MTSS1: variants seen among roughly 807,000 people sequenced by gnomAD.
MTSS1 encodes MTSS I-BAR domain containing 1.
MTSS1 carries 18 observed loss-of-function variants against 79.0 expected under a neutral mutation model. That is an observed-to-expected ratio of 0.23 (90% CI 0.16 to 0.34). The LOEUF is 0.34. MTSS1 is among the 10% of genes least tolerant of loss of function. The pLI, the probability that MTSS1 is intolerant of heterozygous loss-of-function variation, is 1.00. For missense variants in MTSS1, 815 were observed against 986.2 expected (o/e 0.83, Z 2.33); for synonymous variants, 341 against 368.6 (o/e 0.93, Z 0.86).
chr8:124,675,854 A>G (rs886191651), intron 3 of MTSS1, among the ~76,000 whole-genome samples: 24 of 152,248 alleles, frequency 1.6e-4, no homozygotes, highest in African/African-American at 5.1e-4. Context: ...ATATTCCATT[A>G]TGTACATACC....
At chr8:124,695,824 T>A (rs1393070835) in intron 3 of MTSS1, among the ~76,000 whole-genome samples, 1 of 150,548 alleles carries the variant, frequency 6.6e-6, no homozygotes, top group Non-Finnish European at 1.5e-5. Flanking sequence ...ACAGGTATAT[T>A]TTATTCCATG....
chr8:124,668,616 G>A (rs760030681), intron 3 of MTSS1, among the ~76,000 whole-genome samples: 5 of 152,120 alleles, frequency 3.3e-5, no homozygotes, highest in Non-Finnish European at 5.9e-5. Flanking sequence ...TGCCAGACTC[G>A]GCTATTAGGA....
At chr8:124,648,822 G>A (rs1251722665) in intron 3 of MTSS1, among the ~76,000 whole-genome samples, 2 of 152,048 alleles carry the variant, frequency 1.3e-5, no homozygotes, top group South Asian at 2.1e-4. Flanking sequence ...CCATCAGTAC[G>A]CCATGATGAA....
intron 6 of MTSS1, among the ~76,000 whole-genome samples, chr8:124,581,514 G>A (rs1323734834): frequency 1.3e-5 from 2 of 150,838 alleles, no homozygotes; most frequent in Non-Finnish European, 2.9e-5. Context: ...GGAGTGCAGT[G>A]GTGCAATCTT....
At chr8:124,718,506 C>T (rs1011587863) in intron 1 of MTSS1, among the ~76,000 whole-genome samples, 2 of 152,094 alleles carry the variant, frequency 1.3e-5, no homozygotes, top group Non-Finnish European at 2.9e-5. Flanking sequence ...TTCAGGCCCT[C>T]GATCACATCC....
chr8:124,666,616 G>A (rs564954454), intron 3 of MTSS1, among the ~76,000 whole-genome samples: 1 of 152,290 alleles, frequency 6.6e-6, no homozygotes, highest in South Asian at 2.1e-4. Context: ...TACCTTTCTA[G>A]GGAGGCAGTC....
chr8:124,659,787 T>C (rs1187392094), intron 3 of MTSS1, among the ~76,000 whole-genome samples: 1 of 152,190 alleles, frequency 6.6e-6, no homozygotes, highest in Non-Finnish European at 1.5e-5. Context: ...CTGGGTAACA[T>C]GAAGATAGCA....
chr8:124,670,216 G>C (rs922564478), intron 3 of MTSS1, among the ~76,000 whole-genome samples: 2 of 152,158 alleles, frequency 1.3e-5, no homozygotes, highest in Admixed American at 1.3e-4. Context: ...GCCCTCCTGA[G>C]GTTATATTTG....
At chr8:124,595,417 G>A (rs998614311) in intron 3 of MTSS1, among the ~76,000 whole-genome samples, 2 of 152,178 alleles carry the variant, frequency 1.3e-5, no homozygotes, top group Non-Finnish European at 2.9e-5. Context: ...GGAGGCTGCA[G>A]GGGAGAATCT....
At chr8:124,700,079 C>T (rs551107758) in intron 2 of MTSS1, among the ~76,000 whole-genome samples, 5 of 151,494 alleles carry the variant, frequency 3.3e-5, no homozygotes, top group Admixed American at 6.6e-5. Context: ...GCAGAGGTTG[C>T]GGTGAGCCAA....
intron 3 of MTSS1, among the ~76,000 whole-genome samples, chr8:124,661,444 A>C (rs1822011737): frequency 6.6e-6 from 1 of 152,152 alleles, no homozygotes; most frequent in Admixed American, 6.5e-5. Flanking sequence ...TGAAAACATG[A>C]TCAAAGCACT....
At chr8:124,695,317 C>T (rs142769794) in intron 3 of MTSS1, among the ~76,000 whole-genome samples, 497 of 148,308 alleles carry the variant, frequency 3.4e-3, no homozygotes, top group Non-Finnish European at 6.0e-3. Flanking sequence ...TCCCTCCTAC[C>T]ACTTCCATCA....
chr8:124,574,105 C>T (rs4486186), intron 6 of MTSS1, among the ~76,000 whole-genome samples: 40,051 of 151,654 alleles, frequency 0.26, 5,755 homozygotes, highest in African/African-American at 0.36. Flanking sequence ...ACAGTATGTC[C>T]GACTAATTTT....
At chr8:124,672,571 C>T (rs1824442050) in intron 3 of MTSS1, among the ~76,000 whole-genome samples, 1 of 151,788 alleles carries the variant, frequency 6.6e-6, no homozygotes, top group Non-Finnish European at 1.5e-5. Context: ...TCTGAGAGGC[C>T]AAGGTGGGAG....
At chr8:124,566,706 CA>C (rs1446801398) in intron 8 of MTSS1, among the ~76,000 whole-genome samples, 2 of 152,284 alleles carry the variant, frequency 1.3e-5, no homozygotes, top group African/African-American at 4.8e-5. Flanking sequence ...ATGAACACAG[CA>C]ATTAAGTGCA....
Position 124,553,178 on chromosome 8 carries a change from T to C in MTSS1, c.2082A>G (p.Glu694=), listed in dbSNP as rs1263035051. The C allele has an allele frequency of 6.2e-7, 1 of 1,614,026 alleles. No homozygotes were observed. Among genetic ancestry groups the C allele is most frequent in the Non-Finnish European group, 8.5e-7 (1 of 1,180,036 alleles). ...GGGGTTCCCGTTCCTGGTCTTCAGCTTCACTTTCTGGAATTGCCTGTCTGT... is the reference window on the plus strand; with the variant it reads ...GGGGTTCCCGTTCCTGGTCTTCAGCCTCACTTTCTGGAATTGCCTGTCTGT... The part of the protein sequence containing the change: ...EEHRQAIPES[E]AEDQEREPPS... Residue 694 remains glutamate, a synonymous_variant, in exon 14 of 14, where the codon GAA becomes GAG. Transcript: ENST00000518547. This position sits in a 1 kb window ranked among gnomAD's most constrained non-coding sequence, Gnocchi z 6.0.
chr8:124,652,327 C>A (rs1820115100), intron 3 of MTSS1, among the ~76,000 whole-genome samples: 1 of 152,062 alleles, frequency 6.6e-6, no homozygotes, highest in African/African-American at 2.4e-5. Flanking sequence ...GTGCATGCCA[C>A]CATGCCTGGC....
rs1586763572 is a variant in MTSS1 at position 124,556,285 on chromosome 8, C to T, written c.1351G>A (p.Ala451Thr). The T allele has an allele frequency of 6.2e-7, 1 of 1,614,252 alleles. No individual in the cohort carries two copies. The highest frequency in any genetic ancestry group is 2.2e-5 in the East Asian group (1 of 44,886). The stretch of plus-strand genomic sequence containing the variant: ...CGTGGTCTCTGAGCCTCCTCAGCTG[C>T]TGCAGGTGGGCCGCTGGCGGTAGTG... ...GPTTASGPPA[A>T]AEEAQRPRSM... The change falls in exon 12 of 14, where the codon GCA (alanine) becomes ACA (threonine). Residue 451 changes from alanine (A) to threonine (T), a missense_variant. Transcript: ENST00000518547.
At position 124,676,478 on chromosome 8, in the gene MTSS1, C is replaced by T. The variant is rs1238530616; in HGVS notation, c.208+23048G>A. Among the ~76,000 whole-genome samples, 8 of 152,322 alleles carry T rather than the reference C, an allele frequency of 5.3e-5. No homozygotes were observed. The East Asian group carries it at 1.5e-3, about 29-fold the overall frequency. On this transcript the variant is annotated intron_variant, in intron 3 of 13. Coordinates refer to ENST00000518547, the MANE Select transcript of MTSS1 (RefSeq NM_014751.6). ...CATCCAAAGACTCTGAGCTCAAAAC[C>T]TCATGTGGACAGACGCAAATGTGAG...
Sources: allele counts gnomAD v4.1 joint callset (sites outside exome capture counted in the v4.1 genomes callset), GRCh38; gene constraint gnomAD v4.1.1; non-coding constraint Gnocchi (gnomAD v3.1); transcripts MANE v1.5; gene names NCBI Gene and HGNC (gene_info 2026-07-23, HGNC 2026-07-21).